Variants in SLC26A4 observed in about 807,000 individuals in gnomAD.
SLC26A4 encodes pendrin.
A neutral mutation model predicts 90.4 loss-of-function variants in SLC26A4; 93 were observed. The ratio of observed to expected loss-of-function variants is 1.03; its 90% CI spans 0.87 to 1.22. The LOEUF (loss-of-function observed/expected upper bound fraction) is 1.22. SLC26A4 is among the 50% of genes most tolerant of loss of function. SLC26A4 has a pLI of 0.00. For synonymous variants in SLC26A4, 393 were observed against 354.6 expected (o/e 1.11, Z -1.22); for missense variants, 1,127 against 946.2 (o/e 1.19, Z -2.51).
rs1300878615 is a variant in SLC26A4, at chr7:107,700,164, A to G, written c.1696A>G (p.Ile566Val). 3 of 1,534,926 alleles carry G rather than the reference A, an allele frequency of 2.0e-6. No homozygotes were observed. Among genetic ancestry groups the G allele is most frequent in the African/African-American group, 2.7e-5 (2 of 73,374 alleles). ...YGNVDGFKKC[I>V]KSTVGFDAIR... is the part of the protein sequence containing the mutation. ...CAATGTCGATGGTTTTAAAAAATGT[A>G]TCAAGTCCACAGTAAGTATTTTATC... Residue 566 changes from isoleucine (I) to valine (V), a missense_variant, in exon 15 of 21, where the codon ATC (isoleucine) becomes GTC (valine). Coordinates refer to ENST00000644269, the MANE Select transcript of SLC26A4 (RefSeq NM_000441.2).
Position 107,661,849 on chromosome 7 carries a change from G to A in SLC26A4, c.164+44G>A. On this transcript the variant is annotated intron_variant, in intron 2 of 20. Coordinates refer to ENST00000644269, the MANE Select transcript of SLC26A4 (RefSeq NM_000441.2). This position sits in a 1 kb window ranked among gnomAD's most constrained non-coding sequence, Gnocchi z 5.1. ...TGCGTAGAGAGAAGCGGAGCGGGGC[G>A]TCCACGCCTTGGGGAGGGAAGGGCG... 3 of 1,520,488 alleles carry A rather than the reference G, an allele frequency of 2.0e-6. No homozygotes were observed. Among genetic ancestry groups the A allele is most frequent in the South Asian group, 1.2e-5 (1 of 83,056 alleles). 94.2% of individuals were successfully genotyped at this position (1,520,488 alleles called of 1,614,324 possible). A position where few individuals can be genotyped will look rare whatever the true frequency, so the allele number is the denominator to read the frequency against.
chr7:107,665,390 C>T (rs188988204), intron 3 of SLC26A4, among the ~76,000 whole-genome samples: 82 of 152,188 alleles, frequency 5.4e-4, no homozygotes, highest in African/African-American at 1.8e-3. Context: ...GGGAGAGAGA[C>T]TAGGATGGGC....
At chr7:107,680,287 TATCTTATTATATAATATA>T (rs1318345718) in intron 6 of SLC26A4, among the ~76,000 whole-genome samples, 1 of 97,962 alleles carries the variant, frequency 1.0e-5, no homozygotes, top group African/African-American at 4.1e-5. Flanking sequence ...AATATAATCT[TATCTTATTATATAATATA>T]ATCTTATATT....
At position 107,698,114 on chromosome 7, in the gene SLC26A4, A is replaced by G. The variant is rs1791790456; in HGVS notation, c.1614+3A>G. The stretch of plus-strand genomic sequence containing the variant: ...AAAGTACCAAGAATTACAAAAACGT[A>G]AGTACCTTTGTGAGACATTTGCTGG... On this transcript the variant is annotated splice_donor_region_variant and intron_variant, in intron 14 of 20. Transcript: ENST00000644269. 1 of 1,590,098 alleles carries G rather than the reference A, an allele frequency of 6.3e-7. No homozygotes were observed. The highest frequency in any genetic ancestry group is 1.7e-5 in the Admixed American group (1 of 59,952).
intron 18 of SLC26A4, 131 bp from the exon 19 acceptor site, chr7:107,709,923 G>GCA: frequency 1.4e-6 from 1 of 701,278 alleles, no homozygotes; most frequent in Non-Finnish European, 2.5e-6. Flanking sequence ...TTGAACTTGG[G>GCA]ACGCGGAGGT....
chr7:107,674,148 G>T lies in SLC26A4; in HGVS notation c.416-16G>T, dbSNP rs114992866. On this transcript the variant is annotated splice_polypyrimidine_tract_variant and intron_variant, in intron 4 of 20. Transcript: ENST00000644269. Reference sequence around the variant, plus strand: ...GATTAATAACTGATTAATTGTTAGAGACTTTTTTTCCCCAGGACCTTTTCC... The same window carrying T: ...GATTAATAACTGATTAATTGTTAGATACTTTTTTTCCCCAGGACCTTTTCC... 1.7e-3 allele frequency: 2,782 copies of T among 1,613,130 alleles called. 54 individuals carry two copies. The African/African-American group carries it at 0.033, about 19-fold the overall frequency.
In SLC26A4 at chr7:107,690,242, GAAC is replaced by G; in HGVS notation, c.1263+10_1263+12del. On this transcript the variant is annotated splice_donor_region_variant and intron_variant, in intron 10 of 20. Coordinates refer to ENST00000644269, the MANE Select transcript of SLC26A4 (RefSeq NM_000441.2). The stretch of plus-strand genomic sequence containing the variant: ...AGCACTGGAGGAAAGACACAGGTAG[GAAC>G]AACAGCCTTATGATATCCATCTCAG... 1 of 1,499,000 alleles carries G rather than the reference GAAC, an allele frequency of 6.7e-7. No homozygotes were observed. The highest frequency in any genetic ancestry group is 9.3e-7 in the Non-Finnish European group (1 of 1,074,896). The allele number at this position is 1,499,000 out of a possible 1,614,324, so 92.9% of individuals were successfully genotyped here. A position where few individuals can be genotyped will look rare whatever the true frequency, so the allele number is the denominator to read the frequency against.
chr7:107,701,981 T>C lies in SLC26A4; in HGVS notation c.1958T>C (p.Val653Ala), dbSNP rs1554361015. Residue 653 changes from valine (V) to alanine (A), a missense_variant, in exon 17 of 21, where the codon GTG (valine) becomes GCG (alanine). Physicochemically the swap from Val to Ala is moderately conservative, Grantham distance 64. Coordinates refer to ENST00000644269, the MANE Select transcript of SLC26A4 (RefSeq NM_000441.2). ...CCAGTCAAAGTGAACGTTCCCAAAG[T>C]GCCAATCCATAGCCTTGTGCTTGAC... ...ELPVKVNVPK[V>A]PIHSLVLDCG... 6.2e-7 allele frequency: 1 copy of C among 1,614,074 alleles called. No individual in the cohort carries two copies.
At chr7:107,697,101 T>G (rs1791763272) in intron 13 of SLC26A4, among the ~76,000 whole-genome samples, 2 of 152,168 alleles carry the variant, frequency 1.3e-5, no homozygotes, top group South Asian at 4.1e-4. Flanking sequence ...GCTCCCAAAG[T>G]TCTCAATTTG....
intron 6 of SLC26A4, among the ~76,000 whole-genome samples, chr7:107,675,928 G>T (rs978843646): frequency 7.2e-5 from 11 of 152,248 alleles, no homozygotes; most frequent in African/African-American, 1.7e-4. Context: ...ACATTTGGTT[G>T]CTTCTGTCAG....
At position 107,663,437 on chromosome 7, in the gene SLC26A4, T is replaced by A. The variant is rs746238617; in HGVS notation, c.304+2T>A. Reference sequence around the variant, plus strand: ...CTGGGCTAGTGGCCACGCTGCAAGGTAAGATGTTGGCAGATTGAGAGTTCT... The same window carrying A: ...CTGGGCTAGTGGCCACGCTGCAAGGAAAGATGTTGGCAGATTGAGAGTTCT... On this transcript the variant is annotated splice_donor_variant, in intron 3 of 20. Coordinates refer to ENST00000644269, the MANE Select transcript of SLC26A4 (RefSeq NM_000441.2). LOFTEE classifies it high-confidence loss of function. The A allele has an allele frequency of 6.2e-7, 1 of 1,613,828 alleles. No homozygotes were observed. The highest frequency in any genetic ancestry group is 1.3e-5 in the African/African-American group (1 of 74,888).
chr7:107,668,021 C>A (rs1415229002), intron 3 of SLC26A4, among the ~76,000 whole-genome samples: 7 of 152,150 alleles, frequency 4.6e-5, no homozygotes, highest in African/African-American at 1.2e-4. Context: ...GAAAGGCACA[C>A]CCCCTGAGGA....
At chr7:107,683,569 A>C in intron 8 of SLC26A4, 32 bp downstream of exon 8, 2 of 1,521,808 alleles carry the variant, frequency 1.3e-6, no homozygotes, top group Non-Finnish European at 1.8e-6. Context: ...GTACTAATAC[A>C]TTAAGTCAGT....
At chr7:107,697,989 T>C in intron 13 of SLC26A4, 53 bp from the exon 14 acceptor site, 1 of 1,166,310 alleles carries the variant, frequency 8.6e-7, no homozygotes, top group Non-Finnish European at 1.3e-6. Context: ...TAACTTTTTA[T>C]TCCAAAATAC....
intron 2 of SLC26A4, among the ~76,000 whole-genome samples, 166 bp from the exon 3 acceptor site, chr7:107,663,130 T>C (rs536622311): frequency 6.6e-6 from 1 of 152,232 alleles, no homozygotes; most frequent in Non-Finnish European, 1.5e-5. Context: ...ATACAGTTCT[T>C]GGCAAAAGCA....
chr7:107,669,379 A>G (rs1790804987), intron 3 of SLC26A4, among the ~76,000 whole-genome samples: 1 of 152,216 alleles, frequency 6.6e-6, no homozygotes, highest in Non-Finnish European at 1.5e-5. Flanking sequence ...ATGAAAACTG[A>G]AAAGTTCCCC....
At chr7:107,674,371 A>G (rs762438739) in intron 5 of SLC26A4, 23 bp downstream of exon 5, 2 of 1,509,814 alleles carry the variant, frequency 1.3e-6, no homozygotes, top group South Asian at 2.2e-5. Context: ...CAAGTAAAAT[A>G]TAGATGGATG....
chr7:107,699,496 G>T (rs1017246744), intron 14 of SLC26A4, among the ~76,000 whole-genome samples: 2 of 152,132 alleles, frequency 1.3e-5, no homozygotes, highest in African/African-American at 4.8e-5. Flanking sequence ...GCAAATCATG[G>T]CACTGTTCTA....
intron 19 of SLC26A4, 39 bp from the exon 20 acceptor site, chr7:107,712,500 G>T: frequency 9.7e-7 from 1 of 1,029,472 alleles, no homozygotes. Flanking sequence ...CAGGTGGGTT[G>T]ATGCTATTCT....
Sources: gnomAD v4.1 joint callset for allele counts (sites outside exome capture counted in the v4.1 genomes callset) on GRCh38, gnomAD v4.1.1 for gene constraint, Gnocchi (gnomAD v3.1) non-coding constraint, MANE v1.5 for transcripts, NCBI Gene and HGNC (gene_info 2026-07-23, HGNC 2026-07-21) for gene names.